CFI: variants seen among roughly 807,000 people sequenced by gnomAD.
CFI encodes the protein C3B/C4B inactivator.
A neutral mutation model predicts 78.8 loss-of-function variants in CFI; 66 were observed. That is an observed-to-expected ratio of 0.84 (90% CI 0.69 to 1.03). CFI has a LOEUF of 1.03. Among genes scored for constraint, CFI ranks in the 50% least tolerant of loss-of-function variants. The probability of loss-of-function intolerance (pLI) is 0.00; values close to 1 mark genes in which losing one functional copy is unlikely to be tolerated. For synonymous variants in CFI, 250 were observed against 232.6 expected (o/e 1.07, Z -0.68); for missense variants, 706 against 704.5 (o/e 1.00, Z -0.02).
chr4:109,773,680 G>C (rs1163168947), intron 1 of CFI, among the ~76,000 whole-genome samples: 1 of 152,108 alleles, frequency 6.6e-6, no homozygotes, highest in Non-Finnish European at 1.5e-5. Context: ...GTGGGTGGGA[G>C]GTATGTTAAA....
rs763690131 is a variant in CFI, at chr4:109,740,805, C to T, written c.*88G>A. On this transcript the variant is annotated 3_prime_UTR_variant, in exon 13 of 13. Coordinates refer to ENST00000394634, the MANE Select transcript of CFI (RefSeq NM_000204.5). ...AGTGAGATTTGCTTCATTTTTCCCCCCTAGAGAATTATTAATTATACCGTT... is the reference window on the plus strand; with the variant it reads ...AGTGAGATTTGCTTCATTTTTCCCCTCTAGAGAATTATTAATTATACCGTT... 13 of 1,238,232 alleles carry T rather than the reference C, an allele frequency of 1.0e-5. No homozygotes were observed. Among genetic ancestry groups the T allele is most frequent in the African/African-American group, 1.5e-5 (1 of 67,134 alleles). 76.7% of individuals were successfully genotyped at this position (1,238,232 alleles called of 1,614,324 possible).
rs202015544 is a variant in CFI at position 109,749,349 on chromosome 4, C to G, written c.1045-28G>C. On this transcript the variant is annotated intron_variant, in intron 9 of 12. Transcript: ENST00000394634. ...GTAAAAGACATTTGTGTGGTCACTG[C>G]CATTCTAACAGATAGCGATACAAAC... The G allele has an allele frequency of 1.4e-3, 2,187 of 1,586,924 alleles. 6 individuals are homozygous for G. The highest frequency in any genetic ancestry group is 1.8e-3 in the Non-Finnish European group (2,047 of 1,155,206).
At chr4:109,771,550 CAA>C (rs60490705) in intron 1 of CFI, among the ~76,000 whole-genome samples, 7 of 132,784 alleles carry the variant, frequency 5.3e-5, no homozygotes, top group Admixed American at 7.6e-5. Context: ...ACTAAAAATA[CAA>C]AAAAAAAAAA....
chr4:109,747,354 T>A (rs939035400), intron 10 of CFI, among the ~76,000 whole-genome samples: 11 of 12,600 alleles, frequency 8.7e-4, no homozygotes, highest in East Asian at 0.015. Flanking sequence ...TAAGCTAATT[T>A]AAAAAAATTT....
intron 1 of CFI, among the ~76,000 whole-genome samples, chr4:109,785,754 C>T (rs1167696719): frequency 2.0e-5 from 3 of 151,968 alleles, no homozygotes; most frequent in Admixed American, 6.6e-5. Context: ...ATCATGGGGG[C>T]GGTTTCACCT....
intron 1 of CFI, among the ~76,000 whole-genome samples, chr4:109,789,224 A>G (rs1002980673): frequency 1.3e-5 from 2 of 151,996 alleles, no homozygotes; most frequent in African/African-American, 4.8e-5. Context: ...GTAGCCTAGT[A>G]CATATGTAAT....
rs1327797084 is a variant in CFI at position 109,746,526 on chromosome 4, T to C, written c.1149-24A>G. On this transcript the variant is annotated intron_variant, in intron 10 of 12. Transcript: ENST00000394634. The stretch of plus-strand genomic sequence containing the variant: ...CTCTATAACAGAAAAAAAAAGGAAA[T>C]AAAATATATTGAGAAAAAATATAAA... 2.6e-6 allele frequency: 4 copies of C among 1,531,558 alleles called. No individual in the cohort carries two copies. The East Asian group carries it at 7.1e-5, about 27-fold the overall frequency. The allele number at this position is 1,531,558 out of a possible 1,614,324, so 94.9% of individuals were successfully genotyped here. A position where few individuals can be genotyped will look rare whatever the true frequency, so the allele number is the denominator to read the frequency against.
At chr4:109,800,950 T>G (rs927391878) in intron 1 of CFI, among the ~76,000 whole-genome samples, 4 of 152,210 alleles carry the variant, frequency 2.6e-5, no homozygotes, top group African/African-American at 4.8e-5. Context: ...TTCTCTATTA[T>G]AAACATTGCA....
intron 1 of CFI, among the ~76,000 whole-genome samples, chr4:109,774,987 TG>T (rs1211006241): frequency 6.6e-6 from 1 of 152,170 alleles, no homozygotes; most frequent in African/African-American, 2.4e-5. Flanking sequence ...GAGGTTTTGG[TG>T]GGTTGTGTCA....
intron 3 of CFI, among the ~76,000 whole-genome samples, chr4:109,764,171 C>T (rs1727432592): frequency 6.6e-6 from 1 of 151,108 alleles, no homozygotes; most frequent in Admixed American, 6.6e-5. Context: ...ATAGTATAAA[C>T]TATATTATAT....
chr4:109,731,599 TAGAA>T, the CFI span, among the ~76,000 whole-genome samples: 1 of 152,128 alleles, frequency 6.6e-6, no homozygotes. Context: ...GTTAGAAACA[TAGAA>T]AGGCATTCCT....
At chr4:109,739,230 T>C (rs530258351), downstream of CFI, among the ~76,000 whole-genome samples, 124 of 152,172 alleles carry the variant, frequency 8.1e-4, no homozygotes, top group Middle Eastern at 3.4e-3. Context: ...AAAGGGAATA[T>C]TTATGTGAAA....
chr4:109,762,394 C>T (rs3822272), intron 3 of CFI: 96,975 of 151,788 alleles, frequency 0.64, 32,277 homozygotes, highest in South Asian at 0.76. Flanking sequence ...ATTTTGGCAT[C>T]TGTGTGCCAT....
intron 12 of CFI, 164 bp downstream of exon 12, chr4:109,742,327 C>G: frequency 1.5e-6 from 1 of 647,258 alleles, no homozygotes; most frequent in Non-Finnish European, 2.8e-6. Flanking sequence ...AGGAAGAAAC[C>G]TGAGCTACAG....
chr4:109,788,114 C>G (rs1730971516), intron 1 of CFI, among the ~76,000 whole-genome samples: 1 of 152,062 alleles, frequency 6.6e-6, no homozygotes, highest in Admixed American at 6.6e-5. Flanking sequence ...GCCCTATAAT[C>G]AGCCCGCAAA....
At chr4:109,751,098 C>T (rs1049692801) in intron 8 of CFI, among the ~76,000 whole-genome samples, 7 of 150,156 alleles carry the variant, frequency 4.7e-5, no homozygotes, top group African/African-American at 1.8e-4. Flanking sequence ...TAGTAAGTCC[C>T]TATTAAATGT....
In CFI at chr4:109,745,723, C is replaced by T. The variant is rs144353703; in HGVS notation, c.1429+499G>A. ...TGAGAAGGAGGGTTGTGGGCATCAG[C>T]GATTCAACATACACCAAGGCTATCC... On this transcript the variant is annotated intron_variant, in intron 11 of 12. Transcript: ENST00000394634. Among the ~76,000 whole-genome samples, 576 of 151,870 alleles carry T rather than the reference C, an allele frequency of 3.8e-3. 2 individuals are homozygous for T. The highest frequency in any genetic ancestry group is 0.013 in the African/African-American group (551 of 41,392).
intron 12 of CFI, chr4:109,741,377 T>G (rs1723774877): frequency 1.0e-6 from 1 of 985,334 alleles, no homozygotes; most frequent in African/African-American, 1.7e-5. Flanking sequence ...GAGATGAGAT[T>G]GCAACCTGAA....
At chr4:109,777,136 G>A (rs1276813056) in intron 1 of CFI, among the ~76,000 whole-genome samples, 1 of 152,092 alleles carries the variant, frequency 6.6e-6, no homozygotes, top group Non-Finnish European at 1.5e-5. Context: ...TAACCTTAAA[G>A]GTAAATGGGC....
Sources: allele counts gnomAD v4.1 joint callset (sites outside exome capture counted in the v4.1 genomes callset), GRCh38; gene constraint gnomAD v4.1.1; transcripts MANE v1.5; gene names NCBI Gene and HGNC (gene_info 2026-07-23, HGNC 2026-07-21).